Variants in MCM2 observed in about 807,000 individuals in gnomAD.
MCM2 encodes the protein DNA replication licensing factor MCM2.
In MCM2, 49 loss-of-function variants were observed where a neutral mutation model predicts 86.4. The observed-to-expected ratio is 0.57, with a 90% CI of 0.45 to 0.72. The LOEUF (loss-of-function observed/expected upper bound fraction) is 0.72, where lower values mean the gene tolerates loss of function less well. MCM2 is among the 30% of genes least tolerant of loss of function. The pLI, the probability that MCM2 is intolerant of heterozygous loss-of-function variation, is 0.00. For missense variants in MCM2, 1,038 were observed against 1,259.9 expected (o/e 0.82, Z 2.67); for synonymous variants, 475 against 484.6 (o/e 0.98, Z 0.26).
At chr3:127,599,220 G>A in intron 1 of MCM2, 98 bp from the exon 2 acceptor site, 1 of 955,718 alleles carries the variant, frequency 1.0e-6, no homozygotes, top group East Asian at 2.4e-5. Flanking sequence ...AGAGTCACAG[G>A]TGGAGAGAAA....
chr3:127,598,413 T>G lies in MCM2; in HGVS notation c.-54T>G. ...GCTTTGGTGGGTCACGTGAACCACT[T>G]TTCGCGCGAAACCTGGTTGTTGCTG... On this transcript the variant is annotated 5_prime_UTR_variant, in exon 1 of 16. Transcript: ENST00000265056. 6.2e-7 allele frequency: 1 copy of G among 1,613,002 alleles called. No individual in the cohort carries two copies. Among genetic ancestry groups the G allele is most frequent in the South Asian group, 1.1e-5 (1 of 90,938 alleles).
At chr3:127,609,773 G>C (rs190179776) in intron 8 of MCM2, among the ~76,000 whole-genome samples, 57 of 149,558 alleles carry the variant, frequency 3.8e-4, no homozygotes, top group African/African-American at 1.3e-3. Context: ...AGAGCACCGT[G>C]TGTTCTCAAG....
In MCM2 at chr3:127,606,010, A is replaced by G. The variant is rs1319174302; in HGVS notation, c.674-108A>G. On this transcript the variant is annotated intron_variant, in intron 4 of 15. Coordinates refer to ENST00000265056, the MANE Select transcript of MCM2 (RefSeq NM_004526.4). The surrounding 1 kb of genome is among the most constrained non-coding windows in gnomAD (Gnocchi z 4.2). ...AAGTGAAAGCTGGGCTTTCTAGGTC[A>G]AAATCAATGGTCGGGGTGGGTAGGC... 2.5e-6 allele frequency: 2 copies of G among 800,834 alleles called. No individual in the cohort carries two copies. The highest frequency in any genetic ancestry group is 4.2e-6 in the Non-Finnish European group (2 of 480,584). 49.6% of individuals were successfully genotyped at this position (800,834 alleles called of 1,614,324 possible).
chr3:127,609,860 T>C (rs1252282125), intron 8 of MCM2, among the ~76,000 whole-genome samples: 1 of 142,316 alleles, frequency 7.0e-6, no homozygotes, highest in Non-Finnish European at 1.5e-5. Context: ...TTTTTTTTTT[T>C]TTTTGAGATG....
rs902242139 is a variant in MCM2 at position 127,611,847 on chromosome 3, C to T, written c.1428+2824C>T. Among the ~76,000 whole-genome samples, 37 of 147,832 alleles carry T rather than the reference C, an allele frequency of 2.5e-4. 2 individuals are homozygous for T. Among genetic ancestry groups the T allele is most frequent in the African/African-American group, 8.8e-4 (34 of 38,766 alleles). On this transcript the variant is annotated intron_variant, in intron 8 of 15. Coordinates refer to ENST00000265056, the MANE Select transcript of MCM2 (RefSeq NM_004526.4). Reference sequence around the variant, plus strand: ...CCAAGTAGCTGGGACGACAGGCGCCCGCCACTACGCCCGGCTAATTTTTTT... The same window carrying T: ...CCAAGTAGCTGGGACGACAGGCGCCTGCCACTACGCCCGGCTAATTTTTTT...
Position 127,621,814 on chromosome 3 carries a change from TG to T in MCM2, c.*45del. ...ATAAGGATTCCTTGGGATTCTGGTT[TG>T]GGGTGGTCAGTGCCCTCTGTGCTTT... On this transcript the variant is annotated 3_prime_UTR_variant, in exon 16 of 16. Coordinates refer to ENST00000265056, the MANE Select transcript of MCM2 (RefSeq NM_004526.4). 6.5e-7 allele frequency: 1 copy of T among 1,532,432 alleles called. No homozygotes were observed. 94.9% of individuals were successfully genotyped at this position (1,532,432 alleles called of 1,614,324 possible). A position where few individuals can be genotyped will look rare whatever the true frequency, so the allele number is the denominator to read the frequency against.
intron 8 of MCM2, among the ~76,000 whole-genome samples, chr3:127,614,719 A>T (rs2074421070): frequency 6.6e-6 from 1 of 152,202 alleles, no homozygotes; most frequent in Non-Finnish European, 1.5e-5. Context: ...ATCATAACAG[A>T]CAAATAGGCC....
chr3:127,613,031 G>A (rs1273861139), intron 8 of MCM2, among the ~76,000 whole-genome samples: 5 of 152,190 alleles, frequency 3.3e-5, no homozygotes, highest in Non-Finnish European at 7.3e-5. Flanking sequence ...ACTCTCTCCT[G>A]GAGTAACTGG....
Position 127,604,799 on chromosome 3 carries a change from T to A in MCM2, c.412+16T>A. 1.3e-5 allele frequency: 21 copies of A among 1,576,530 alleles called. No homozygotes were observed. Among genetic ancestry groups the A allele is most frequent in the Non-Finnish European group, 1.8e-5 (21 of 1,161,190 alleles). ...CTCCTGTATGGTAGGTCCAGTTGTC[T>A]GCCTGCCCGAGGGACTGGGAAGCTG... On this transcript the variant is annotated intron_variant, in intron 3 of 15. Transcript: ENST00000265056.
rs992471563 is a variant in MCM2, at chr3:127,622,044, C to T, written c.*271C>T. ...CCGAGTGCTTTGTCTCCACTCAGTA[C>T]CTTGGATCAGAGCTGCTGAGTTCAG... On this transcript the variant is annotated 3_prime_UTR_variant, in exon 16 of 16. Transcript: ENST00000265056. 8 of 376,148 alleles carry T rather than the reference C, an allele frequency of 2.1e-5. No individual in the cohort carries two copies. Among genetic ancestry groups the T allele is most frequent in the Non-Finnish European group, 3.4e-5 (7 of 204,402 alleles). 23.3% of individuals were successfully genotyped at this position (376,148 alleles called of 1,614,324 possible). A position where few individuals can be genotyped will look rare whatever the true frequency, so the allele number is the denominator to read the frequency against.
At position 127,598,847 on chromosome 3, in the gene MCM2, T is replaced by C. The variant is rs993317339; in HGVS notation, c.6+375T>C. Reference sequence around the variant, plus strand: ...CTTGTTCCAAACACTACACTTACTTTTGTATTACCTTCTTGTCCCTTTGTC... The same window carrying C: ...CTTGTTCCAAACACTACACTTACTTCTGTATTACCTTCTTGTCCCTTTGTC... On this transcript the variant is annotated intron_variant, in intron 1 of 15. Transcript: ENST00000265056. 1.9e-5 allele frequency: 7 copies of C among 376,126 alleles called. No homozygotes were observed. The South Asian group carries it at 2.3e-4, about 12-fold the overall frequency. 23.3% of individuals were successfully genotyped at this position (376,126 alleles called of 1,614,324 possible).
At chr3:127,599,965 C>T (rs2074295582) in intron 2 of MCM2, among the ~76,000 whole-genome samples, 1 of 152,168 alleles carries the variant, frequency 6.6e-6, no homozygotes, top group African/African-American at 2.4e-5. Flanking sequence ...TAATGTGCAC[C>T]ATGCCCTTTG....
At position 127,620,741 on chromosome 3, in the gene MCM2, T is replaced by C. The variant is rs781136151; in HGVS notation, c.2309T>C (p.Met770Thr). ...IPITVRHIESMIRMAEAHARI... is the reference protein window; with the variant it reads ...IPITVRHIESTIRMAEAHARI... The stretch of plus-strand genomic sequence containing the variant: ...ATTACGGTGCGGCACATCGAGTCCA[T>C]GATCCGCATGGCGGAGGCCCACGCG... The change falls in exon 14 of 16, where the codon ATG (methionine) becomes ACG (threonine). Residue 770 changes from methionine to threonine, a missense_variant. Transcript: ENST00000265056. 2.5e-6 allele frequency: 4 copies of C among 1,612,148 alleles called. No homozygotes were observed. The highest frequency in any genetic ancestry group is 2.7e-5 in the African/African-American group (2 of 74,930).
intron 8 of MCM2, among the ~76,000 whole-genome samples, chr3:127,609,987 G>T (rs2074381870): frequency 6.6e-6 from 1 of 151,788 alleles, no homozygotes; most frequent in Admixed American, 6.6e-5. Context: ...TGGGATTACA[G>T]GCACACATCA....
intron 8 of MCM2, among the ~76,000 whole-genome samples, chr3:127,611,198 C>A (rs145105574): frequency 2.0e-3 from 302 of 152,300 alleles, no homozygotes; most frequent in Middle Eastern, 6.8e-3. Context: ...GAATTTCATC[C>A]AGATGTTTGA....
chr3:127,608,468 C>G lies in MCM2; in HGVS notation c.1188C>G (p.Ala396=). ...AAGRLPRSKD[A]ILLADLVDSC... is the part of the protein sequence containing the mutation. ...GCCGGCTGCCCCGCTCCAAGGACGC[C>G]ATTCTCCTCGCAGATCTGGTGGACA... is the stretch of plus-strand genomic sequence containing the variant. Residue 396 remains alanine, a synonymous_variant, in exon 7 of 16, where the codon GCC becomes GCG. Coordinates refer to ENST00000265056, the MANE Select transcript of MCM2 (RefSeq NM_004526.4). 2 of 1,614,220 alleles carry G rather than the reference C, an allele frequency of 1.2e-6. No individual in the cohort carries two copies. The highest frequency in any genetic ancestry group is 8.5e-7 in the Non-Finnish European group (1 of 1,180,040).
Position 127,617,135 on chromosome 3 carries a change from C to T in MCM2, c.1773+17C>T, listed in dbSNP as rs936656242. 17 of 1,610,184 alleles carry T rather than the reference C, an allele frequency of 1.1e-5. No homozygotes were observed. The highest frequency in any genetic ancestry group is 1.3e-5 in the African/African-American group (1 of 74,954). On this transcript the variant is annotated intron_variant, in intron 10 of 15. Transcript: ENST00000265056. The surrounding 1 kb of genome is among the most constrained non-coding windows in gnomAD (Gnocchi z 4.1). The stretch of plus-strand genomic sequence containing the variant: ...TTTGACAAGGTGGGTCCCTGGGTCA[C>T]GGAGGCTGGTGGAACTCAGGGGGTG...
chr3:127,604,758 C>A lies in MCM2; in HGVS notation c.387C>A (p.Gly129=). 1 of 1,600,402 alleles carries A rather than the reference C, an allele frequency of 6.2e-7. No homozygotes were observed. The highest frequency in any genetic ancestry group is 1.1e-5 in the South Asian group (1 of 89,994). Residue 129 remains glycine (G), a synonymous_variant, in exon 3 of 16, where the codon GGC becomes GGA. Transcript: ENST00000265056. ...ACCGGGAGGCTGGCCGGGGCCTGGG[C>A]CGCATGCGCCGTGGGCTCCTGTATG... ...QRDREAGRGL[G]RMRRGLLYDS...
intron 8 of MCM2, chr3:127,611,082 AT>A (rs2074391014): frequency 9.7e-6 from 4 of 412,336 alleles, no homozygotes; most frequent in Non-Finnish European, 2.0e-5. Flanking sequence ...GTAGTTTTAC[AT>A]GCGAGGAAGA....
Sources: gnomAD v4.1 joint callset for allele counts (sites outside exome capture counted in the v4.1 genomes callset) on GRCh38, gnomAD v4.1.1 for gene constraint, Gnocchi (gnomAD v3.1) non-coding constraint, MANE v1.5 for transcripts, NCBI Gene and HGNC (gene_info 2026-07-23, HGNC 2026-07-21) for gene names.